Variants in TMEM117 observed in about 807,000 individuals in gnomAD.
The protein encoded by TMEM117 is transmembrane protein 117.
A neutral mutation model predicts 52.4 loss-of-function variants in TMEM117; 27 were observed. That is an observed-to-expected ratio of 0.51 (90% confidence interval 0.38 to 0.71). The LOEUF is 0.71. Among genes scored for constraint, TMEM117 ranks in the 30% least tolerant of loss-of-function variants. The pLI is 0.00. For missense variants in TMEM117, 556 were observed against 630.5 expected (o/e 0.88, Z 1.26); for synonymous variants, 215 against 206.3 (o/e 1.04, Z -0.36).
intron 5 of TMEM117, among the ~76,000 whole-genome samples, chr12:44,241,467 G>T (rs1442158564): frequency 1.3e-5 from 2 of 151,742 alleles, no homozygotes; most frequent in Non-Finnish European, 2.9e-5. Flanking sequence ...CTTATTATTT[G>T]GTGATAGTGG....
chr12:43,899,491 T>C (rs1028441485), intron 2 of TMEM117, among the ~76,000 whole-genome samples: 1 of 152,236 alleles, frequency 6.6e-6, no homozygotes, highest in African/African-American at 2.4e-5. Flanking sequence ...CCTCCTATCA[T>C]GATCATTCTG....
chr12:44,239,532 C>G (rs1950036803), intron 5 of TMEM117, among the ~76,000 whole-genome samples: 1 of 152,070 alleles, frequency 6.6e-6, no homozygotes, highest in African/African-American at 2.4e-5. Flanking sequence ...CATGTTGGTT[C>G]TTAGCGATCT....
chr12:44,329,688 G>A (rs1951242886), intron 6 of TMEM117, among the ~76,000 whole-genome samples: 1 of 152,038 alleles, frequency 6.6e-6, no homozygotes, highest in Admixed American at 6.6e-5. Flanking sequence ...TTGTGCCTGA[G>A]CAACCACTCT....
chr12:44,297,301 T>C (rs548892018), intron 5 of TMEM117, among the ~76,000 whole-genome samples: 8 of 152,312 alleles, frequency 5.3e-5, no homozygotes, highest in Non-Finnish European at 8.8e-5. Context: ...TAATCAACTG[T>C]CTTTACTAAA....
chr12:43,882,943 T>C (rs1341338893), intron 2 of TMEM117, among the ~76,000 whole-genome samples: 2 of 152,218 alleles, frequency 1.3e-5, no homozygotes, highest in Non-Finnish European at 2.9e-5. Context: ...CTGGGACTTA[T>C]TTTTCTTAGT....
chr12:43,822,657 G>A, the TMEM117 span, among the ~76,000 whole-genome samples: 1 of 151,992 alleles, frequency 6.6e-6, no homozygotes, highest in Admixed American at 6.6e-5. Context: ...TCTATCAGAT[G>A]AGCAGGGATG....
At chr12:44,221,020 T>C (rs1285840234) in intron 5 of TMEM117, among the ~76,000 whole-genome samples, 5 of 152,152 alleles carry the variant, frequency 3.3e-5, no homozygotes, top group African/African-American at 1.2e-4. Flanking sequence ...ACCCCTTGAG[T>C]ATGAACTGAA....
chr12:44,069,211 AT>A (rs1460991347), intron 3 of TMEM117, among the ~76,000 whole-genome samples: 2 of 152,232 alleles, frequency 1.3e-5, no homozygotes, highest in African/African-American at 2.4e-5. Context: ...TCTGAAAAAA[AT>A]AAACCCTCAA....
At chr12:44,034,711 T>A (rs548795415) in intron 3 of TMEM117, among the ~76,000 whole-genome samples, 1 of 152,344 alleles carries the variant, frequency 6.6e-6, no homozygotes, top group East Asian at 1.9e-4. Context: ...CTGTATTCTG[T>A]AGGAAGGTAA....
At chr12:43,806,124 C>A in the TMEM117 span, 1 of 1,526,624 alleles carries the variant, frequency 6.6e-7, no homozygotes, top group South Asian at 1.2e-5. Context: ...TTCCGGAGCT[C>A]CCGGCCCGAC....
chr12:44,124,846 T>C (rs564657560), intron 3 of TMEM117, among the ~76,000 whole-genome samples: 12 of 152,306 alleles, frequency 7.9e-5, no homozygotes, highest in African/African-American at 2.4e-4. Context: ...TCACCAAGGA[T>C]ATTGGCCTGA....
chr12:43,800,617 A>T, the TMEM117 span: 50 of 1,037,218 alleles, frequency 4.8e-5, no homozygotes, highest in Non-Finnish European at 7.1e-5. Context: ...TAATATCCTG[A>T]ATCACATTAA....
downstream of TMEM117, among the ~76,000 whole-genome samples, chr12:44,390,986 T>C (rs150286479): frequency 3.2e-4 from 49 of 152,190 alleles, no homozygotes; most frequent in East Asian, 8.7e-3. Flanking sequence ...TAAAAAGAGA[T>C]GTGTAGCAAT....
At chr12:44,372,614 A>G (rs1951880538) in intron 6 of TMEM117, among the ~76,000 whole-genome samples, 2 of 152,112 alleles carry the variant, frequency 1.3e-5, no homozygotes, top group Non-Finnish European at 2.9e-5. Flanking sequence ...AAAAAACAAA[A>G]GAAAGAAAGA....
intron 3 of TMEM117, among the ~76,000 whole-genome samples, chr12:44,039,782 T>G (rs1946768627): frequency 1.3e-5 from 2 of 152,166 alleles, no homozygotes; most frequent in South Asian, 4.1e-4. Context: ...AACGCCACCC[T>G]CTTCTAGAAT....
chr12:43,851,067 G>A (rs1165964045), intron 2 of TMEM117, among the ~76,000 whole-genome samples: 1 of 152,056 alleles, frequency 6.6e-6, no homozygotes, highest in East Asian at 1.9e-4. Context: ...ATATTATATA[G>A]AATGCCACTA....
chr12:44,264,178 T>A (rs553080890), intron 5 of TMEM117, among the ~76,000 whole-genome samples: 142 of 152,284 alleles, frequency 9.3e-4, no homozygotes, highest in African/African-American at 3.2e-3. Context: ...GACAAGTTTG[T>A]TTTTCTGTCT....
intron 4 of TMEM117, among the ~76,000 whole-genome samples, chr12:44,201,970 T>C (rs1342704284): frequency 6.6e-6 from 1 of 152,076 alleles, no homozygotes; most frequent in East Asian, 1.9e-4. Flanking sequence ...CTTTATATCA[T>C]GTGATATATC....
chr12:44,119,309 TTATG>T (rs777728760), intron 3 of TMEM117, among the ~76,000 whole-genome samples: 7 of 150,578 alleles, frequency 4.6e-5, no homozygotes, highest in Non-Finnish European at 1.0e-4. Flanking sequence ...CAGAGGATGT[TTATG>T]TAGTGAAAAG....
Sources: gnomAD v4.1 joint callset for allele counts (sites outside exome capture counted in the v4.1 genomes callset) on GRCh38, gnomAD v4.1.1 for gene constraint, MANE v1.5 for transcripts, NCBI Gene and HGNC (gene_info 2026-07-23, HGNC 2026-07-21) for gene names.